Variants in MYO3B observed in about 807,000 individuals in gnomAD.
MYO3B encodes myosin IIIB, also known as myosin-IIIb.
MYO3B carries 156 observed loss-of-function variants against 174.6 expected under a neutral mutation model. That is an observed-to-expected ratio of 0.89 (90% confidence interval 0.78 to 1.02). MYO3B has a LOEUF of 1.02. Ranked by LOEUF, MYO3B falls within the 50% of genes least tolerant of loss-of-function variation. MYO3B has a pLI of 0.00. For synonymous variants in MYO3B, 563 were observed against 569.1 expected (o/e 0.99, Z 0.15); for missense variants, 1,632 against 1,639.4 (o/e 1.00, Z 0.08).
intron 7 of MYO3B, among the ~76,000 whole-genome samples, chr2:170,270,303 A>G (rs2093416600): frequency 6.6e-6 from 1 of 152,186 alleles, no homozygotes; most frequent in Non-Finnish European, 1.5e-5. Context: ...CAGAACTAGT[A>G]AGTGTGCTCC....
chr2:170,584,538 A>G lies in MYO3B; in HGVS notation c.3733+40550A>G, dbSNP rs569694573. ...TAAGAAAATACAGTTCTCTTCAACT[A>G]TCTTTGCTGTTCATGTTTTTTCCCC... is the stretch of plus-strand genomic sequence containing the variant. On this transcript the variant is annotated intron_variant, in intron 32 of 34. Coordinates refer to ENST00000408978, the MANE Select transcript of MYO3B (RefSeq NM_138995.5). Among the ~76,000 whole-genome samples, 6 of 152,330 alleles carry G rather than the reference A, an allele frequency of 3.9e-5. No homozygotes were observed. In the South Asian group the frequency reaches 8.3e-4, roughly 21 times the overall value.
chr2:170,378,552 A>G lies in MYO3B; in HGVS notation c.972-3464A>G, dbSNP rs765380428. 3.4e-4 allele frequency among the ~76,000 whole-genome samples: 52 copies of G among 152,190 alleles called. 1 individual carries two copies. The highest frequency in any genetic ancestry group is 2.0e-4 in the Admixed American group (3 of 15,282). Reference sequence around the variant, plus strand: ...ACAATATTATTGGGGAAGATTTTTTACAAGAATCAAGCTCAGATTTGCAGA... The same window carrying G: ...ACAATATTATTGGGGAAGATTTTTTGCAAGAATCAAGCTCAGATTTGCAGA... On this transcript the variant is annotated intron_variant, in intron 9 of 34. Transcript: ENST00000408978.
intron 7 of MYO3B, among the ~76,000 whole-genome samples, chr2:170,294,205 A>G (rs1191664809): frequency 6.6e-6 from 1 of 151,986 alleles, no homozygotes; most frequent in Non-Finnish European, 1.5e-5. Flanking sequence ...TTCTGTTCTT[A>G]AAAACAAAAT....
intron 25 of MYO3B, among the ~76,000 whole-genome samples, chr2:170,483,375 C>CA (rs1685818134): frequency 3.2e-5 from 2 of 62,098 alleles, no homozygotes; most frequent in East Asian, 8.5e-4. Context: ...CTTGGGGATT[C>CA]TTTTTTTTTT....
At chr2:170,637,308 A>T (rs1389641046) in intron 32 of MYO3B, among the ~76,000 whole-genome samples, 1 of 151,096 alleles carries the variant, frequency 6.6e-6, no homozygotes, top group Non-Finnish European at 1.5e-5. Context: ...AGTAGCTGGG[A>T]TTACAGGCAT....
rs187604854 is a variant in MYO3B, at chr2:170,374,955, C to T, written c.971+5578C>T. 1.6e-4 allele frequency among the ~76,000 whole-genome samples: 24 copies of T among 152,210 alleles called. No individual in the cohort carries two copies. The East Asian group carries it at 3.5e-3, about 22-fold the overall frequency. On this transcript the variant is annotated intron_variant, in intron 9 of 34. Coordinates refer to ENST00000408978, the MANE Select transcript of MYO3B (RefSeq NM_138995.5). ...CCAGTAAATTATAATTGTGCCAATGCATGTATTTGATTCAGGTACAATAGA... is the reference window on the plus strand; with the variant it reads ...CCAGTAAATTATAATTGTGCCAATGTATGTATTTGATTCAGGTACAATAGA...
rs192981194 is a variant in MYO3B, at chr2:170,269,035, T to A, written c.749+32899T>A. Among the ~76,000 whole-genome samples the A allele has an allele frequency of 7.1e-4, 108 of 152,264 alleles. 1 individual carries two copies. The highest frequency in any genetic ancestry group is 1.4e-3 in the Non-Finnish European group (93 of 68,014). ...TCCTGAATCCAGCTCATTGTAGGGA[T>A]TGAGGTGGGGCAGTTCTGCCCGAGT... On this transcript the variant is annotated intron_variant, in intron 7 of 34. Coordinates refer to ENST00000408978, the MANE Select transcript of MYO3B (RefSeq NM_138995.5).
chr2:170,511,317 C>G (rs544339611), intron 28 of MYO3B, among the ~76,000 whole-genome samples: 68 of 151,780 alleles, frequency 4.5e-4, no homozygotes, highest in African/African-American at 1.7e-3. Flanking sequence ...CCGCCTGCCT[C>G]GGCTTCCCAA....
chr2:170,413,347 T>C (rs1343707947), intron 22 of MYO3B, among the ~76,000 whole-genome samples: 1 of 151,770 alleles, frequency 6.6e-6, no homozygotes, highest in East Asian at 1.9e-4. Context: ...GGAGTGGAAG[T>C]TAGATGATTA....
intron 22 of MYO3B, among the ~76,000 whole-genome samples, chr2:170,433,638 G>A (rs2094728639): frequency 6.6e-6 from 1 of 152,196 alleles, no homozygotes; most frequent in South Asian, 2.1e-4. Flanking sequence ...CTTGGAAACA[G>A]TTCTTATCTC....
chr2:170,276,210 G>A (rs1047384251), intron 7 of MYO3B, among the ~76,000 whole-genome samples: 5 of 152,120 alleles, frequency 3.3e-5, no homozygotes, highest in Non-Finnish European at 7.4e-5. Context: ...ACTTGGTGTG[G>A]GTCCAAGTCC....
Position 170,263,555 on chromosome 2 carries a change from GT to G in MYO3B, c.749+27420del, listed in dbSNP as rs534660770. ...TCAGCAGGAAAACATGTGAACATAT[GT>G]CTCTGTGTCATAAACAAGGTTAAGA... On this transcript the variant is annotated intron_variant, in intron 7 of 34. Coordinates refer to ENST00000408978, the MANE Select transcript of MYO3B (RefSeq NM_138995.5). Among the ~76,000 whole-genome samples the G allele has an allele frequency of 1.9e-3, 289 of 152,242 alleles. 1 individual carries two copies. Among genetic ancestry groups the G allele is most frequent in the African/African-American group, 6.9e-3 (286 of 41,536 alleles).
At chr2:170,365,639 G>A (rs1319967385) in intron 8 of MYO3B, among the ~76,000 whole-genome samples, 1 of 152,098 alleles carries the variant, frequency 6.6e-6, no homozygotes. Context: ...AAAATATAGA[G>A]AGGAGTATTT....
chr2:170,347,637 T>G (rs1388600092), intron 8 of MYO3B, among the ~76,000 whole-genome samples: 1 of 152,144 alleles, frequency 6.6e-6, no homozygotes, highest in South Asian at 2.1e-4. Flanking sequence ...GTGATGGACT[T>G]TAGGCCTCAC....
chr2:170,307,022 C>G (rs2093705140), intron 7 of MYO3B, among the ~76,000 whole-genome samples: 1 of 151,778 alleles, frequency 6.6e-6, no homozygotes, highest in South Asian at 2.1e-4. Context: ...CCTTTTATTT[C>G]AAAATCTCTG....
At chr2:170,493,586 A>T (rs1277671385) in intron 25 of MYO3B, among the ~76,000 whole-genome samples, 1 of 152,158 alleles carries the variant, frequency 6.6e-6, no homozygotes, top group East Asian at 1.9e-4. Context: ...ATTATTTGAT[A>T]TTCCTCCCTT....
At chr2:170,634,159 A>G (rs187836540) in intron 32 of MYO3B, among the ~76,000 whole-genome samples, 1 of 152,232 alleles carries the variant, frequency 6.6e-6, no homozygotes, top group African/African-American at 2.4e-5. Flanking sequence ...CACATTGCCA[A>G]GACAATCCTA....
intron 23 of MYO3B, among the ~76,000 whole-genome samples, chr2:170,459,602 G>T (rs1684128838): frequency 1.3e-5 from 2 of 152,204 alleles, no homozygotes; most frequent in South Asian, 4.1e-4. Context: ...AGGTGGAGCT[G>T]CCCACCAGTC....
At chr2:170,547,049 G>C (rs1219321288) in intron 32 of MYO3B, among the ~76,000 whole-genome samples, 2 of 152,030 alleles carry the variant, frequency 1.3e-5, no homozygotes, top group African/African-American at 4.8e-5. Context: ...GCACGGCGTG[G>C]TGGCTCACGC....
Sources: allele counts gnomAD v4.1 joint callset (sites outside exome capture counted in the v4.1 genomes callset), GRCh38; gene constraint gnomAD v4.1.1; transcripts MANE v1.5; gene names NCBI Gene and HGNC (gene_info 2026-07-23, HGNC 2026-07-21).